TEAD3: variants seen among roughly 807,000 people sequenced by gnomAD.
TEAD3 encodes the protein transcriptional enhancer factor TEF-5.
A neutral mutation model predicts 55.6 loss-of-function variants in TEAD3; 15 were observed. The observed-to-expected ratio is 0.27, with a 90% CI of 0.18 to 0.42. TEAD3 has a LOEUF of 0.42. Among genes scored for constraint, TEAD3 ranks in the 10% least tolerant of loss-of-function variants. The pLI, the probability that TEAD3 is intolerant of heterozygous loss-of-function variation, is 1.00. For synonymous variants in TEAD3, 210 were observed against 232.2 expected (o/e 0.90, Z 0.87); for missense variants, 407 against 576.8 (o/e 0.71, Z 3.01).
intron 5 of TEAD3, among the ~76,000 whole-genome samples, chr6:35,478,848 T>C (rs11964757): frequency 4.1e-4 from 63 of 151,856 alleles, no homozygotes; most frequent in African/African-American, 1.5e-3. Context: ...ATATTTCCTC[T>C]TACTGTATGT....
rs541517268 is a variant in TEAD3 at position 35,491,004 on chromosome 6, G to A, written c.-49-4293C>T. Among the ~76,000 whole-genome samples, 9 of 152,206 alleles carry A rather than the reference G, an allele frequency of 5.9e-5. No homozygotes were observed. The highest frequency in any genetic ancestry group is 1.2e-4 in the African/African-American group (5 of 41,510). On this transcript the variant is annotated intron_variant, in intron 1 of 12. Transcript: ENST00000639578. The surrounding 1 kb of genome is among the most constrained non-coding windows in gnomAD (Gnocchi z 4.4). ...GGTCAAGGGGAGGGAGACCAAGGCCGGGGTGGGGCCTGAGACAGACAGGAG... is the reference window on the plus strand; with the variant it reads ...GGTCAAGGGGAGGGAGACCAAGGCCAGGGTGGGGCCTGAGACAGACAGGAG...
Position 35,484,408 on chromosome 6 carries a change from G to A in TEAD3, c.267+152C>T, listed in dbSNP as rs1768325263. 6.6e-6 allele frequency among the ~76,000 whole-genome samples: 1 copy of A among 151,892 alleles called. No homozygotes were observed. The highest frequency in any genetic ancestry group is 2.1e-4 in the South Asian group (1 of 4,816). On this transcript the variant is annotated intron_variant, in intron 3 of 12. Transcript: ENST00000639578. This position sits in a 1 kb window ranked among gnomAD's most constrained non-coding sequence, Gnocchi z 5.8. ...CTTGGGGGTGGGAGGGTGTAAAATC[G>A]AGGGGGTAAGGGGAGTGTGATGAGG...
intron 4 of TEAD3, among the ~76,000 whole-genome samples, chr6:35,479,787 G>C (rs767797632): frequency 6.6e-6 from 1 of 152,238 alleles, no homozygotes; most frequent in East Asian, 1.9e-4. Flanking sequence ...CCCTGCCCAC[G>C]GAAGTCCCCA....
intron 1 of TEAD3, among the ~76,000 whole-genome samples, chr6:35,487,583 C>G (rs1437091196): frequency 6.8e-6 from 1 of 146,706 alleles, no homozygotes; most frequent in East Asian, 2.0e-4. Context: ...ATTAGCAGGG[C>G]ATGGCAGCAT....
At chr6:35,479,794 C>T (rs1768230090) in intron 4 of TEAD3, among the ~76,000 whole-genome samples, 1 of 152,246 alleles carries the variant, frequency 6.6e-6, no homozygotes, top group African/African-American at 2.4e-5. Context: ...CACGGAAGTC[C>T]CCATGCAGTT....
At chr6:35,482,405 T>G (rs1161322979) in intron 3 of TEAD3, among the ~76,000 whole-genome samples, 1 of 151,888 alleles carries the variant, frequency 6.6e-6, no homozygotes, top group Non-Finnish European at 1.5e-5. Flanking sequence ...TAAGAAAGAG[T>G]AAAGACAGGG....
intron 5 of TEAD3, 36 bp from the exon 6 acceptor site, chr6:35,478,607 C>T: frequency 6.4e-7 from 1 of 1,557,148 alleles, no homozygotes; most frequent in Non-Finnish European, 8.7e-7. Flanking sequence ...CAGGGCCACG[C>T]TGGATGAGGC....
At chr6:35,476,074 C>A in exon 10 of TEAD3, 2 of 1,537,800 alleles carry the variant, frequency 1.3e-6, no homozygotes, top group Non-Finnish European at 1.8e-6. Context: ...CCGATGTGCA[C>A]AAACAGGTGT....
rs938952416 is a variant in TEAD3, at chr6:35,484,480, C to G, written c.267+80G>C. The G allele has an allele frequency of 7.1e-7, 1 of 1,401,326 alleles. No homozygotes were observed. The highest frequency in any genetic ancestry group is 1.4e-5 in the African/African-American group (1 of 69,638). The allele number at this position is 1,401,326 out of a possible 1,614,324, so 86.8% of individuals were successfully genotyped here. A position where few individuals can be genotyped will look rare whatever the true frequency, so the allele number is the denominator to read the frequency against. On this transcript the variant is annotated intron_variant, in intron 3 of 12. Transcript: ENST00000639578. This position sits in a 1 kb window ranked among gnomAD's most constrained non-coding sequence, Gnocchi z 5.8. ...TCAGGGGCAGCCTCGAGGAGGTGGG[C>G]AGGGTAGGGGCAAGGGGTTGACCGG...
At position 35,485,402 on chromosome 6, in the gene TEAD3, G is replaced by T. The variant is rs886212567; in HGVS notation, c.203-778C>A. Among the ~76,000 whole-genome samples, 2 of 152,150 alleles carry T rather than the reference G, an allele frequency of 1.3e-5. No individual in the cohort carries two copies. The highest frequency in any genetic ancestry group is 2.4e-5 in the African/African-American group (1 of 41,416). ...AGTGTCCAGGGACTTGGGCCTGAAA[G>T]GGGGATGCCTGGGCCACACGGCTGA... is the stretch of plus-strand genomic sequence containing the variant. On this transcript the variant is annotated intron_variant, in intron 2 of 12. Transcript: ENST00000639578. The surrounding 1 kb of genome is among the most constrained non-coding windows in gnomAD (Gnocchi z 4.3).
chr6:35,478,929 G>T (rs933326084), intron 5 of TEAD3, among the ~76,000 whole-genome samples: 2 of 140,132 alleles, frequency 1.4e-5, no homozygotes, highest in African/African-American at 5.4e-5. Context: ...ACCCAGGCTA[G>T]AGTGCAGCGG....
At chr6:35,481,078 A>G (rs993995166) in intron 3 of TEAD3, among the ~76,000 whole-genome samples, 3 of 151,372 alleles carry the variant, frequency 2.0e-5, no homozygotes, top group Non-Finnish European at 2.9e-5. Context: ...TTTCCCCCCA[A>G]TATACCTTCT....
intron 1 of TEAD3, among the ~76,000 whole-genome samples, chr6:35,493,872 C>A (rs1053169923): frequency 4.2e-4 from 64 of 152,362 alleles, no homozygotes; most frequent in African/African-American, 1.4e-3. Context: ...TCTCCAGGTA[C>A]ACACAGATGG....
At chr6:35,495,296 G>C (rs1206727720) in intron 1 of TEAD3, among the ~76,000 whole-genome samples, 2 of 152,238 alleles carry the variant, frequency 1.3e-5, no homozygotes, top group African/African-American at 4.8e-5. Context: ...GATGGGAGCA[G>C]GGCTCAGGAC....
chr6:35,479,267 T>C, intron 5 of TEAD3, 38 bp downstream of exon 5: 1 of 1,611,814 alleles, frequency 6.2e-7, no homozygotes, highest in Non-Finnish European at 8.5e-7. Context: ...GTTAAGACCC[T>C]TTCCCCCACT....
At position 35,492,086 on chromosome 6, in the gene TEAD3, G is replaced by T. The variant is rs190338605; in HGVS notation, c.-50+4812C>A. ...ACCAGCCCTGCTGGGAGGACGAGCT[G>T]AGCTGTGACCTTCCTGGGTCTAGCA... On this transcript the variant is annotated intron_variant, in intron 1 of 12. Transcript: ENST00000639578. Among the ~76,000 whole-genome samples the T allele has an allele frequency of 5.3e-4, 81 of 152,320 alleles. No homozygotes were observed. The East Asian group carries it at 0.015, about 28-fold the overall frequency.
At chr6:35,477,260 C>T in intron 8 of TEAD3, 51 bp downstream of exon 8, 1 of 1,597,624 alleles carries the variant, frequency 6.3e-7, no homozygotes, top group South Asian at 1.1e-5. Context: ...CCCAGCTCTC[C>T]TGAGTGGAGG....
chr6:35,480,501 G>T, intron 3 of TEAD3, 127 bp from the exon 4 acceptor site: 1 of 963,076 alleles, frequency 1.0e-6, no homozygotes, highest in Non-Finnish European at 1.6e-6. Flanking sequence ...TAAATGGGGG[G>T]ACCTTTTTTC....
rs1259685159 is a variant in TEAD3 at position 35,496,707 on chromosome 6, G to C, written c.-50+191C>G. 6.6e-6 allele frequency among the ~76,000 whole-genome samples: 1 copy of C among 152,068 alleles called. No homozygotes were observed. The highest frequency in any genetic ancestry group is 2.4e-5 in the African/African-American group (1 of 41,412). On this transcript the variant is annotated intron_variant, in intron 1 of 12. Transcript: ENST00000639578. This position sits in a 1 kb window ranked among gnomAD's most constrained non-coding sequence, Gnocchi z 4.8. ...CGCGGGGGGGTGGGGAGGGCGGGGG[G>C]CGGGGCTTCCCGGAGAGATTTTCCC...
Sources: gnomAD v4.1 joint callset for allele counts (sites outside exome capture counted in the v4.1 genomes callset) on GRCh38, gnomAD v4.1.1 for gene constraint, Gnocchi (gnomAD v3.1) non-coding constraint, MANE v1.5 for transcripts, NCBI Gene and HGNC (gene_info 2026-07-23, HGNC 2026-07-21) for gene names.